The following TCF12 variants were observed in gnomAD, a reference collection of about 807,000 sequenced individuals.
TCF12 encodes transcription factor 12.
In TCF12, 45 loss-of-function variants were observed where a neutral mutation model predicts 86.0. That is an observed-to-expected ratio of 0.52 (90% CI 0.41 to 0.67). The LOEUF is 0.67. TCF12 is among the 30% of genes least tolerant of loss of function. TCF12 has a pLI of 0.00. For synonymous variants in TCF12, 330 were observed against 299.6 expected, an observed-to-expected ratio of 1.10 and a Z score of -1.05; for missense variants, 881 against 859.9, an observed-to-expected ratio of 1.02 and a Z score of -0.31.
intron 4 of TCF12, among the ~76,000 whole-genome samples, chr15:57,085,668 G>T (rs1175262620): frequency 6.6e-6 from 1 of 152,154 alleles, no homozygotes; most frequent in African/African-American, 2.4e-5. Context: ...AATTTATGAT[G>T]GGGTAAGTGA....
At chr15:57,259,856 G>A (rs918567862) in intron 16 of TCF12, among the ~76,000 whole-genome samples, 11 of 152,102 alleles carry the variant, frequency 7.2e-5, no homozygotes, top group South Asian at 2.1e-4. Context: ...GTGGAGCTGC[G>A]GATTAAAGGG....
chr15:57,234,083 T>C lies in TCF12; in HGVS notation c.1011T>C (p.Asp337=), dbSNP rs2059283006. Residue 337 remains aspartate (D), a synonymous_variant, in exon 12 of 21, where the codon GAT becomes GAC. Coordinates refer to ENST00000333725, the MANE Select transcript of TCF12 (RefSeq NM_207037.2). ...CTGCTGGAAGCTCACAGACAGGTGA[T>C]GCACTTGGAAAGGCTTTGGCATCTG... ...GNAAGSSQTG[D]ALGKALASIY... is the part of the protein sequence containing the mutation. 1.9e-6 allele frequency: 3 copies of C among 1,613,572 alleles called. No homozygotes were observed. Among genetic ancestry groups the C allele is most frequent in the Non-Finnish European group, 2.5e-6 (3 of 1,179,702 alleles).
intron 18 of TCF12, among the ~76,000 whole-genome samples, chr15:57,267,683 A>G (rs2060933618): frequency 6.6e-6 from 1 of 152,242 alleles, no homozygotes; most frequent in Non-Finnish European, 1.5e-5. Flanking sequence ...AAGGATGACC[A>G]GCTCATAGAT....
intron 3 of TCF12, among the ~76,000 whole-genome samples, chr15:56,933,887 ATTTACATATTAT>A (rs1271136412): frequency 1.3e-5 from 2 of 151,762 alleles, no homozygotes; most frequent in Admixed American, 6.6e-5. Flanking sequence ...TTAATATGTA[ATTTACATATTAT>A]TTTACATATA....
At chr15:57,174,117 AAAT>A (rs1312641743) in intron 6 of TCF12, among the ~76,000 whole-genome samples, 3 of 152,226 alleles carry the variant, frequency 2.0e-5, no homozygotes, top group African/African-American at 4.8e-5. Flanking sequence ...CTTAGGAAAA[AAAT>A]AATACCAATT....
chr15:57,251,319 C>T (rs955989860), intron 13 of TCF12, 31 bp from the exon 14 acceptor site: 18 of 1,596,550 alleles, frequency 1.1e-5, no homozygotes, highest in Non-Finnish European at 1.5e-5. Flanking sequence ...TGAGTTAACC[C>T]AGGTGTGTGG....
chr15:57,140,283 T>C (rs897481560), intron 5 of TCF12, among the ~76,000 whole-genome samples: 2 of 152,192 alleles, frequency 1.3e-5, no homozygotes, highest in South Asian at 2.1e-4. Context: ...AATGTTTTAA[T>C]TGAATGAGTA....
At chr15:57,086,193 C>A (rs2151085924) in intron 4 of TCF12, among the ~76,000 whole-genome samples, 1 of 109,296 alleles carries the variant, frequency 9.1e-6, no homozygotes, top group Non-Finnish European at 2.1e-5. Flanking sequence ...AAGACATAAT[C>A]TCTAACTTGG....
chr15:57,027,477 G>C (rs2065892031), intron 3 of TCF12, among the ~76,000 whole-genome samples: 1 of 152,094 alleles, frequency 6.6e-6, no homozygotes, highest in South Asian at 2.1e-4. Context: ...TGTATATTTG[G>C]ACCTTTTAGA....
intron 18 of TCF12, among the ~76,000 whole-genome samples, chr15:57,268,160 A>G (rs1186937416): frequency 1.3e-5 from 2 of 152,152 alleles, no homozygotes; most frequent in Admixed American, 1.3e-4. Context: ...GGAACATTTT[A>G]GAAATACAGG....
chr15:57,009,511 A>G lies in TCF12; in HGVS notation c.149-54239A>G, dbSNP rs560201797. ...GTATTCTGTAGATTTATAGCCAAAG[A>G]TGAGAATGGCGAAATTTCCTGATAC... On this transcript the variant is annotated intron_variant, in intron 3 of 20. Coordinates refer to ENST00000333725, the MANE Select transcript of TCF12 (RefSeq NM_207037.2). 4.3e-4 allele frequency among the ~76,000 whole-genome samples: 66 copies of G among 152,326 alleles called. 1 individual carries two copies. In the South Asian group the frequency reaches 0.013, roughly 31 times the overall value.
chr15:57,239,871 G>A (rs2059541012), intron 12 of TCF12, among the ~76,000 whole-genome samples: 1 of 152,158 alleles, frequency 6.6e-6, no homozygotes, highest in South Asian at 2.1e-4. Flanking sequence ...AACTGCGCTT[G>A]AGATGAAAAG....
intron 3 of TCF12, among the ~76,000 whole-genome samples, chr15:56,934,822 T>C (rs1446271848): frequency 3.3e-5 from 5 of 152,156 alleles, no homozygotes; most frequent in Admixed American, 3.3e-4. Context: ...GTCAGTGTAC[T>C]TGTGGCCTTC....
At chr15:57,041,556 A>G (rs1020233761) in intron 3 of TCF12, among the ~76,000 whole-genome samples, 2 of 152,224 alleles carry the variant, frequency 1.3e-5, no homozygotes, top group Admixed American at 6.5e-5. Context: ...ACTAAGTTAA[A>G]CAAAGATCTA....
chr15:57,026,456 T>C (rs1596187984), intron 3 of TCF12, among the ~76,000 whole-genome samples: 2 of 152,332 alleles, frequency 1.3e-5, no homozygotes, highest in East Asian at 3.9e-4. Flanking sequence ...GGTAGGACTC[T>C]TGTAGAAGAG....
At chr15:57,006,558 C>T (rs1177642105) in intron 3 of TCF12, among the ~76,000 whole-genome samples, 2 of 151,578 alleles carry the variant, frequency 1.3e-5, no homozygotes, top group Admixed American at 6.6e-5. Context: ...TTTGGGAGGT[C>T]GAGGCAGGTA....
intron 19 of TCF12, among the ~76,000 whole-genome samples, chr15:57,273,808 A>T (rs2061257494): frequency 6.6e-6 from 1 of 152,170 alleles, no homozygotes; most frequent in Non-Finnish European, 1.5e-5. Context: ...TTTTGGGCTA[A>T]CATACATCGG....
At chr15:56,967,455 C>T (rs1420715099) in intron 3 of TCF12, among the ~76,000 whole-genome samples, 1 of 152,204 alleles carries the variant, frequency 6.6e-6, no homozygotes, top group Non-Finnish European at 1.5e-5. Context: ...TCCTGAAACT[C>T]TTGGCTCTTG....
chr15:57,182,177 A>C (rs917417325), intron 6 of TCF12, among the ~76,000 whole-genome samples: 13 of 152,112 alleles, frequency 8.5e-5, no homozygotes, highest in African/African-American at 3.1e-4. Flanking sequence ...AATGCTTCTC[A>C]TTTGTTTTAG....
Sources: gnomAD v4.1 joint callset for allele counts (sites outside exome capture counted in the v4.1 genomes callset) on GRCh38, gnomAD v4.1.1 for gene constraint, MANE v1.5 for transcripts, NCBI Gene and HGNC (gene_info 2026-07-23, HGNC 2026-07-21) for gene names.